The following PLA2G4A variants were observed in gnomAD, a reference collection of about 807,000 sequenced individuals.
PLA2G4A encodes cytosolic phospholipase A2.
PLA2G4A carries 40 observed loss-of-function variants against 81.9 expected under a neutral mutation model. The observed-to-expected ratio is 0.49, with a 90% CI of 0.38 to 0.64. The LOEUF (loss-of-function observed/expected upper bound fraction) is 0.64. Ranked by LOEUF, PLA2G4A falls within the 30% of genes least tolerant of loss-of-function variation. The pLI is 0.00. For missense variants in PLA2G4A, 715 were observed against 905.1 expected, an observed-to-expected ratio of 0.79 and a Z score of 2.69; for synonymous variants, 302 against 296.9, an observed-to-expected ratio of 1.02 and a Z score of -0.18.
chr1:186,894,151 A>G lies in PLA2G4A; in HGVS notation c.318A>G (p.Thr106=). ...YVMDETLGTA[T]FTVSSMKVGE... is the part of the protein sequence containing the mutation. Reference sequence around the variant, plus strand: ...TGGATGAAACTCTAGGGACAGCAACATTTACTGTATCTTCTATGAAGGTGG... The same window carrying G: ...TGGATGAAACTCTAGGGACAGCAACGTTTACTGTATCTTCTATGAAGGTGG... Residue 106 remains threonine (T), a synonymous_variant, in exon 5 of 18, where the codon ACA becomes ACG. Coordinates refer to ENST00000367466, the MANE Select transcript of PLA2G4A (RefSeq NM_024420.3). The G allele has an allele frequency of 1.3e-6, 2 of 1,527,936 alleles. No individual in the cohort carries two copies. The highest frequency in any genetic ancestry group is 2.2e-5 in the South Asian group (2 of 89,344). The allele number at this position is 1,527,936 out of a possible 1,614,324, so 94.6% of individuals were successfully genotyped here.
At position 186,884,314 on chromosome 1, in the gene PLA2G4A, G is replaced by A. The variant is rs531866048; in HGVS notation, c.116-8697G>A. ...GAATTGTGTCCTCAAAAGAGAAGTA[G>A]TAAGTAGGGTAGGTGGCTTGAAAAA... is the stretch of plus-strand genomic sequence containing the variant. On this transcript the variant is annotated intron_variant, in intron 3 of 17. Transcript: ENST00000367466. Among the ~76,000 whole-genome samples the A allele has an allele frequency of 3.1e-4, 44 of 143,984 alleles. No individual in the cohort carries two copies. The South Asian group carries it at 0.011, about 35-fold the overall frequency. The allele number at this position is 143,984 out of a possible 152,430, so 94.5% of individuals were successfully genotyped here.
At chr1:186,928,709 A>G (rs1188874236) in intron 7 of PLA2G4A, among the ~76,000 whole-genome samples, 1 of 152,228 alleles carries the variant, frequency 6.6e-6, no homozygotes, top group Non-Finnish European at 1.5e-5. Flanking sequence ...AAAAACAAAA[A>G]TATTCTTGAA....
At chr1:186,904,694 G>A (rs1654672430) in intron 5 of PLA2G4A, among the ~76,000 whole-genome samples, 1 of 152,188 alleles carries the variant, frequency 6.6e-6, no homozygotes, top group South Asian at 2.1e-4. Flanking sequence ...TGTTTAAAGA[G>A]TCTTGTCACT....
chr1:186,894,677 C>T (rs1654272859), intron 5 of PLA2G4A, among the ~76,000 whole-genome samples: 2 of 152,122 alleles, frequency 1.3e-5, no homozygotes, highest in African/African-American at 4.8e-5. Context: ...ATTTCTGTCT[C>T]AGAGAATCCT....
intron 15 of PLA2G4A, among the ~76,000 whole-genome samples, chr1:186,974,629 G>A (rs1657469384): frequency 6.6e-6 from 1 of 152,214 alleles, no homozygotes; most frequent in Admixed American, 6.5e-5. Context: ...GAAGTGTGAA[G>A]TATCTGAGGT....
At chr1:186,925,722 T>C (rs1655522721) in intron 7 of PLA2G4A, among the ~76,000 whole-genome samples, 3 of 152,208 alleles carry the variant, frequency 2.0e-5, no homozygotes, top group Non-Finnish European at 4.4e-5. Context: ...GCTAGTTCTC[T>C]CAGTTATGCT....
chr1:186,885,881 T>A (rs1452320154), intron 3 of PLA2G4A, among the ~76,000 whole-genome samples: 5 of 151,526 alleles, frequency 3.3e-5, no homozygotes, highest in Non-Finnish European at 5.9e-5. Flanking sequence ...AATAAGGAAA[T>A]AAAATATAGA....
At chr1:186,913,860 C>A (rs1655048584) in intron 7 of PLA2G4A, among the ~76,000 whole-genome samples, 1 of 152,086 alleles carries the variant, frequency 6.6e-6, no homozygotes, top group Non-Finnish European at 1.5e-5. Flanking sequence ...AAATGATCAC[C>A]CCTGTCCCAC....
rs188397328 is a variant in PLA2G4A, at chr1:186,859,162, C to T, written c.33+4775C>T. Reference sequence around the variant, plus strand: ...GGAGACTGGGCTCATTTTCACCATTCCTGTGATGCAGGGACATGTTGGAGA... The same window carrying T: ...GGAGACTGGGCTCATTTTCACCATTTCTGTGATGCAGGGACATGTTGGAGA... On this transcript the variant is annotated intron_variant, in intron 2 of 17. Transcript: ENST00000367466. Among the ~76,000 whole-genome samples the T allele has an allele frequency of 1.3e-4, 20 of 152,190 alleles. No individual in the cohort carries two copies. The East Asian group carries it at 3.1e-3, about 24-fold the overall frequency.
chr1:186,845,488 G>A (rs1393286796), intron 1 of PLA2G4A, among the ~76,000 whole-genome samples: 2 of 152,146 alleles, frequency 1.3e-5, no homozygotes, highest in Non-Finnish European at 1.5e-5. Context: ...GAAAGGAGGA[G>A]ACAGGCTAGA....
At chr1:186,916,349 C>T (rs1243578140) in intron 7 of PLA2G4A, among the ~76,000 whole-genome samples, 1 of 152,156 alleles carries the variant, frequency 6.6e-6, no homozygotes, top group Non-Finnish European at 1.5e-5. Flanking sequence ...TGAAGGTGGA[C>T]TGGATCCTTT....
intron 15 of PLA2G4A, among the ~76,000 whole-genome samples, chr1:186,969,381 G>A (rs1250350903): frequency 6.6e-6 from 1 of 151,704 alleles, no homozygotes; most frequent in Non-Finnish European, 1.5e-5. Flanking sequence ...ATCCCCTTAA[G>A]CATTTATCAC....
At chr1:186,980,572 T>C (rs1414802146) in intron 17 of PLA2G4A, among the ~76,000 whole-genome samples, 1 of 152,200 alleles carries the variant, frequency 6.6e-6, no homozygotes, top group Non-Finnish European at 1.5e-5. Flanking sequence ...CCAGTCTTTT[T>C]GGTGACTGTG....
In PLA2G4A at chr1:186,944,827, G is replaced by A. The variant is rs551357581; in HGVS notation, c.1034-1810G>A. On this transcript the variant is annotated intron_variant, in intron 10 of 17. Transcript: ENST00000367466. ...ACCCCATTGGGTTCTTATAATCAGT[G>A]ATATTTCTCCAATAGGATATATAAA... 6.0e-4 allele frequency among the ~76,000 whole-genome samples: 91 copies of A among 152,160 alleles called. No individual in the cohort carries two copies. The South Asian group carries it at 0.014, about 24-fold the overall frequency.
At chr1:186,855,868 C>A (rs527610746) in intron 2 of PLA2G4A, among the ~76,000 whole-genome samples, 1 of 152,156 alleles carries the variant, frequency 6.6e-6, no homozygotes, top group Admixed American at 6.6e-5. Flanking sequence ...TCTGTGTTTG[C>A]CCCAATACCA....
intron 2 of PLA2G4A, 64 bp from the exon 3 acceptor site, chr1:186,870,371 T>C: frequency 2.1e-6 from 2 of 939,478 alleles, no homozygotes; most frequent in East Asian, 4.9e-5. Context: ...TAAATTAATC[T>C]CAAGGAAAAA....
intron 7 of PLA2G4A, among the ~76,000 whole-genome samples, chr1:186,921,821 G>A (rs1571403960): frequency 6.6e-6 from 1 of 152,116 alleles, no homozygotes; most frequent in African/African-American, 2.4e-5. Flanking sequence ...TTTGCTACTA[G>A]TACTGCTGCT....
chr1:186,954,623 T>C (rs1254412984), intron 13 of PLA2G4A, among the ~76,000 whole-genome samples: 1 of 149,856 alleles, frequency 6.7e-6, no homozygotes, highest in Non-Finnish European at 1.5e-5. Flanking sequence ...TATGTATGTT[T>C]AGTTTACATT....
intron 15 of PLA2G4A, among the ~76,000 whole-genome samples, chr1:186,976,251 G>C (rs1021389252): frequency 6.6e-6 from 1 of 152,150 alleles, no homozygotes; most frequent in East Asian, 1.9e-4. Flanking sequence ...ATGGATCAAC[G>C]AGATGACAAG....
Sources: allele counts gnomAD v4.1 joint callset (sites outside exome capture counted in the v4.1 genomes callset), GRCh38; gene constraint gnomAD v4.1.1; transcripts MANE v1.5; gene names NCBI Gene and HGNC (gene_info 2026-07-23, HGNC 2026-07-21).